The following CDH24 variants were observed in gnomAD, a reference collection of about 807,000 sequenced individuals.
CDH24 encodes cadherin-24.
A neutral mutation model predicts 71.2 loss-of-function variants in CDH24; 61 were observed. That is an observed-to-expected ratio of 0.86 (90% confidence interval 0.70 to 1.06). CDH24 has a LOEUF of 1.06. Ranked by LOEUF, CDH24 falls within the 50% of genes least tolerant of loss-of-function variation. CDH24 has a pLI of 0.00. For missense variants in CDH24, 961 were observed against 1,083.7 expected (o/e 0.89, Z 1.59); for synonymous variants, 440 against 470.2 (o/e 0.94, Z 0.83).
chr14:23,049,366 G>GC, intron 10 of CDH24, 91 bp from the exon 11 acceptor site: 5 of 1,278,194 alleles, frequency 3.9e-6, no homozygotes, highest in Admixed American at 2.2e-5. Flanking sequence ...CATAGAGCCA[G>GC]CCCCCCATAG....
In CDH24 at chr14:23,055,778, A is replaced by T. The variant is rs778223706; in HGVS notation, c.-45T>A. 1 of 1,469,280 alleles carries T rather than the reference A, an allele frequency of 6.8e-7. No homozygotes were observed. The highest frequency in any genetic ancestry group is 2.7e-5 in the Admixed American group (1 of 36,862). The allele number at this position is 1,469,280 out of a possible 1,614,324, so 91.0% of individuals were successfully genotyped here. A position where few individuals can be genotyped will look rare whatever the true frequency, so the allele number is the denominator to read the frequency against. ...CTCTGTTCACTGGCCCTGGGTGCTG[A>T]GGCTGGGCCAGGCCACGTGGCCCAT... On this transcript the variant is annotated 5_prime_UTR_variant, in exon 2 of 13. Coordinates refer to ENST00000487137, the MANE Select transcript of CDH24 (RefSeq NM_144985.4). This position sits in a 1 kb window ranked among gnomAD's most constrained non-coding sequence, Gnocchi z 4.1.
In CDH24 at chr14:23,054,504, A is replaced by C; in HGVS notation, c.784+2T>G. 6.2e-7 allele frequency: 1 copy of C among 1,611,600 alleles called. No homozygotes were observed. The highest frequency in any genetic ancestry group is 8.5e-7 in the Non-Finnish European group (1 of 1,178,740). ...GCTCAGGTGGCAGCAATGGCCCCTT[A>C]CTCTGTGGGAACTTGGGGGGGTTGT... is the stretch of plus-strand genomic sequence containing the variant. On this transcript the variant is annotated splice_donor_variant, in intron 5 of 12. Transcript: ENST00000487137. LOFTEE classifies it high-confidence loss of function. This position sits in a 1 kb window ranked among gnomAD's most constrained non-coding sequence, Gnocchi z 5.2.
In CDH24 at chr14:23,051,089, C is replaced by T. The variant is rs1469659312; in HGVS notation, c.1364-1146G>A. ...CAGCCAAAAACATACTGTGTGTACA[C>T]GGACACACACGGCCATCCACACAGA... On this transcript the variant is annotated intron_variant, in intron 8 of 12. Transcript: ENST00000487137. The surrounding 1 kb of genome is among the most constrained non-coding windows in gnomAD (Gnocchi z 4.4). Among the ~76,000 whole-genome samples, 1 of 152,100 alleles carries T rather than the reference C, an allele frequency of 6.6e-6. No individual in the cohort carries two copies. Among genetic ancestry groups the T allele is most frequent in the African/African-American group, 2.4e-5 (1 of 41,390 alleles).
intron 1 of CDH24, among the ~76,000 whole-genome samples, chr14:23,056,570 G>C (rs2047131550): frequency 6.6e-6 from 1 of 152,334 alleles, no homozygotes; most frequent in Admixed American, 6.5e-5. Context: ...GACAGAAACA[G>C]AACAGTGGCA....
In CDH24 at chr14:23,051,700, C is replaced by T. The variant is rs1443016853; in HGVS notation, c.1363+773G>A. On this transcript the variant is annotated intron_variant, in intron 8 of 12. Transcript: ENST00000487137. This position sits in a 1 kb window ranked among gnomAD's most constrained non-coding sequence, Gnocchi z 4.4. ...GGCTGAGAACATACCCACATGTGCACATTCATATAGGCCTTCACTGACACA... is the reference window on the plus strand; with the variant it reads ...GGCTGAGAACATACCCACATGTGCATATTCATATAGGCCTTCACTGACACA... Among the ~76,000 whole-genome samples the T allele has an allele frequency of 1.3e-5, 2 of 152,204 alleles. No homozygotes were observed. Among genetic ancestry groups the T allele is most frequent in the Non-Finnish European group, 2.9e-5 (2 of 68,052 alleles).
rs1351207701 is a variant in CDH24, at chr14:23,048,030, A to G, written c.2296T>C (p.Phe766Leu). The change falls in exon 12 of 13, where the codon TTC becomes CTC. Residue 766 changes from phenylalanine to leucine, a missense_variant. Coordinates refer to ENST00000487137, the MANE Select transcript of CDH24 (RefSeq NM_144985.4). ...CCATACAGCTCGGCCAGGGTGCGGA[A>G]GAGCGGACCCCAGTCGTCCAGCGGC... ...AEPLDDWGPLFRTLAELYGAK... is the reference protein window; with the variant it reads ...AEPLDDWGPLLRTLAELYGAK... 1.8e-5 allele frequency: 26 copies of G among 1,448,726 alleles called. No homozygotes were observed. Among genetic ancestry groups the G allele is most frequent in the Middle Eastern group, 4.9e-4 (2 of 4,078 alleles). The allele number at this position is 1,448,726 out of a possible 1,614,324, so 89.7% of individuals were successfully genotyped here.
At position 23,054,838 on chromosome 14, in the gene CDH24, G is replaced by A. The variant is rs1372802859; in HGVS notation, c.525C>T (p.His175=). ...TCCCATAGCTGGGGTCATCAGCATC[G>A]TGAGCAGTCACCTGGATCACTGATG... The part of the protein sequence containing the change: ...VGTSVIQVTA[H]DADDPSYGNS... The change falls in exon 4 of 13, where the codon CAC becomes CAT. Residue 175 remains histidine (H), a synonymous_variant. Transcript: ENST00000487137. This position sits in a 1 kb window ranked among gnomAD's most constrained non-coding sequence, Gnocchi z 5.2. The A allele has an allele frequency of 1.1e-5, 17 of 1,613,480 alleles. No homozygotes were observed. The Admixed American group carries it at 1.2e-4, about 11-fold the overall frequency.
chr14:23,054,982 C>T lies in CDH24; in HGVS notation c.496+77G>A. On this transcript the variant is annotated intron_variant, in intron 3 of 12. Coordinates refer to ENST00000487137, the MANE Select transcript of CDH24 (RefSeq NM_144985.4). This position sits in a 1 kb window ranked among gnomAD's most constrained non-coding sequence, Gnocchi z 5.2. ...GAATTGAAGGGGGCAGGTTCTGGGG[C>T]AGACAACAAGAAGGGAAGGAGAGGT... The T allele has an allele frequency of 6.9e-6, 11 of 1,588,620 alleles. No homozygotes were observed. The highest frequency in any genetic ancestry group is 9.4e-6 in the Non-Finnish European group (11 of 1,164,450).
At position 23,052,561 on chromosome 14, in the gene CDH24, C is replaced by A; in HGVS notation, c.1275G>T (p.Gln425His). 1 of 1,614,018 alleles carries A rather than the reference C, an allele frequency of 6.2e-7. No homozygotes were observed. Among genetic ancestry groups the A allele is most frequent in the Non-Finnish European group, 8.5e-7 (1 of 1,179,980 alleles). Reference protein sequence around the residue: ...HSDPERCFSIQPEEGTIHTAA... With the variant: ...HSDPERCFSIHPEEGTIHTAA... ...CTGTATGGATGGTGCCTTCCTCGGG[C>A]TGGATAGAGAAGCAACGCTCCGGAT... Residue 425 changes from glutamine (Q) to histidine (H), a missense_variant, in exon 8 of 13, where the codon CAG (glutamine) becomes CAT (histidine). By Grantham distance (24) the Gln-to-His change is conservative. Around this residue, in one of 2 missense-constraint regions of CDH24, gnomAD observed 671 missense variants for 810.9 expected, o/e 0.83. Coordinates refer to ENST00000487137, the MANE Select transcript of CDH24 (RefSeq NM_144985.4).
chr14:23,055,799 C>T lies in CDH24; in HGVS notation c.-66G>A, dbSNP rs764014463. ...GCTGAGGCTGGGCCAGGCCACGTGG[C>T]CCATGAGCTGGCTGGGGTGGAGGGG... On this transcript the variant is annotated 5_prime_UTR_variant, in exon 2 of 13. Coordinates refer to ENST00000487137, the MANE Select transcript of CDH24 (RefSeq NM_144985.4). This position sits in a 1 kb window ranked among gnomAD's most constrained non-coding sequence, Gnocchi z 4.1. The T allele has an allele frequency of 5.6e-4, 777 of 1,388,236 alleles. No individual in the cohort carries two copies. Among genetic ancestry groups the T allele is most frequent in the South Asian group, 1.3e-3 (89 of 67,962 alleles). 86.0% of individuals were successfully genotyped at this position (1,388,236 alleles called of 1,614,324 possible).
chr14:23,050,110 G>T, intron 8 of CDH24, 167 bp from the exon 9 acceptor site: 2 of 898,438 alleles, frequency 2.2e-6, no homozygotes, highest in South Asian at 3.5e-5. Context: ...CAGAATGAAT[G>T]GAACAATACC....
intron 10 of CDH24, 136 bp from the exon 11 acceptor site, chr14:23,049,411 TCCCATAGAGCCAG>T: frequency 1.2e-6 from 1 of 864,120 alleles, no homozygotes; most frequent in Non-Finnish European, 1.7e-6. Flanking sequence ...AGAGCCAGCT[TCCCATAGAGCCAG>T]CCCATAGGTC....
intron 8 of CDH24, chr14:23,052,234 C>T: frequency 1.4e-6 from 1 of 720,212 alleles, no homozygotes; most frequent in Non-Finnish European, 2.4e-6. Flanking sequence ...GCCCACCCAG[C>T]CCAGCCTAGG....
chr14:23,052,471 A>G lies in CDH24; in HGVS notation c.1363+2T>C. On this transcript the variant is annotated splice_donor_variant, in intron 8 of 12. Transcript: ENST00000487137. LOFTEE classifies it high-confidence loss of function. ...CCGCCTTGTGGGCCCTGGAGTCCTC[A>G]CCGAGCTCTGTAGCCAGCACAGTGA... 6.2e-7 allele frequency: 1 copy of G among 1,613,550 alleles called. No homozygotes were observed. The highest frequency in any genetic ancestry group is 8.5e-7 in the Non-Finnish European group (1 of 1,179,914).
rs1024947986 is a variant in CDH24, at chr14:23,054,969, G to T, written c.496+90C>A. 46 of 1,587,964 alleles carry T rather than the reference G, an allele frequency of 2.9e-5. No homozygotes were observed. In the African/African-American group the frequency reaches 5.4e-4, roughly 19 times the overall value. ...TACGAGGGAGGCTGAATTGAAGGGG[G>T]CAGGTTCTGGGGCAGACAACAAGAA... is the stretch of plus-strand genomic sequence containing the variant. On this transcript the variant is annotated intron_variant, in intron 3 of 12. Transcript: ENST00000487137. The surrounding 1 kb of genome is among the most constrained non-coding windows in gnomAD (Gnocchi z 5.2).
At chr14:23,049,558 G>A in intron 10 of CDH24, 69 bp downstream of exon 10, 2 of 969,398 alleles carry the variant, frequency 2.1e-6, no homozygotes, top group South Asian at 1.6e-5. Flanking sequence ...AGGCAGGCTG[G>A]GCTAGGGGTG....
At position 23,055,879 on chromosome 14, in the gene CDH24, A is replaced by G. The variant is rs1402508941; in HGVS notation, c.-124-22T>C. The G allele has an allele frequency of 3.0e-6, 2 of 677,430 alleles. No homozygotes were observed. Among genetic ancestry groups the G allele is most frequent in the African/African-American group, 3.6e-5 (2 of 55,254 alleles). The allele number at this position is 677,430 out of a possible 1,614,324, so 42.0% of individuals were successfully genotyped here. A position where few individuals can be genotyped will look rare whatever the true frequency, so the allele number is the denominator to read the frequency against. The stretch of plus-strand genomic sequence containing the variant: ...ACACCTGCAGGACAAGCAGCTGCTC[A>G]GGCTCAAGGAAACCCCTAGCCCTCC... On this transcript the variant is annotated intron_variant, in intron 1 of 12. Transcript: ENST00000487137. The surrounding 1 kb of genome is among the most constrained non-coding windows in gnomAD (Gnocchi z 4.1).
In CDH24 at chr14:23,049,071, G is replaced by T; in HGVS notation, c.1802C>A (p.Thr601Asn). The T allele has an allele frequency of 6.2e-7, 1 of 1,612,784 alleles. No homozygotes were observed. The highest frequency in any genetic ancestry group is 8.5e-7 in the Non-Finnish European group (1 of 1,179,880). ...GGTGATGATGGCAAGCAGGGCGCCG[G>T]TGCTGAGCCCAGCAGCTGAGAGGTG... Reference protein sequence around the residue: ...EAHLSAAGLSTGALLAIITCV... With the variant: ...EAHLSAAGLSNGALLAIITCV... Residue 601 changes from threonine (T) to asparagine (N), a missense_variant, in exon 11 of 13, where the codon ACC (threonine) becomes AAC (asparagine). Physicochemically the swap from Thr to Asn is moderately conservative, Grantham distance 65. Coordinates refer to ENST00000487137, the MANE Select transcript of CDH24 (RefSeq NM_144985.4).
rs1207600540 is a variant in CDH24, at chr14:23,054,584, T to C, written c.706A>G (p.Met236Val). 1.2e-6 allele frequency: 2 copies of C among 1,614,104 alleles called. No individual in the cohort carries two copies. Among genetic ancestry groups the C allele is most frequent in the Non-Finnish European group, 8.5e-7 (1 of 1,179,994 alleles). The change falls in exon 5 of 13, where the codon ATG becomes GTG. Residue 236 changes from methionine to valine, a missense_variant. Physicochemically the swap from Met to Val is conservative, Grantham distance 21. Coordinates refer to ENST00000487137, the MANE Select transcript of CDH24 (RefSeq NM_144985.4). The surrounding 1 kb of genome is among the most constrained non-coding windows in gnomAD (Gnocchi z 5.2). Reference protein sequence around the residue: ...VIQAKDMGGHMGGLSGSTTVT... With the variant: ...VIQAKDMGGHVGGLSGSTTVT... The stretch of plus-strand genomic sequence containing the variant: ...GTAGTGCTGCCTGACAGCCCCCCCA[T>C]GTGGCCGCCCATGTCCTTGGCCTGG...
Sources: allele counts gnomAD v4.1 joint callset (sites outside exome capture counted in the v4.1 genomes callset), GRCh38; gene constraint gnomAD v4.1.1; regional missense constraint gnomAD v4.1.1; non-coding constraint Gnocchi (gnomAD v3.1); transcripts MANE v1.5; gene names NCBI Gene and HGNC (gene_info 2026-07-23, HGNC 2026-07-21).